Variants in KIF24 observed in about 807,000 individuals in gnomAD.
The protein encoded by KIF24 is kinesin family member 24, also known as kinesin-like protein KIF24.
KIF24 carries 81 observed loss-of-function variants against 118.9 expected under a neutral mutation model. The observed-to-expected ratio is 0.68, with a 90% CI of 0.57 to 0.82. The LOEUF (loss-of-function observed/expected upper bound fraction) is 0.82, where lower values mean the gene tolerates loss of function less well. KIF24 is among the 40% of genes least tolerant of loss of function. KIF24 has a pLI of 0.00. For synonymous variants in KIF24, 599 were observed against 610.0 expected (o/e 0.98, Z 0.27); for missense variants, 1,560 against 1,661.6 (o/e 0.94, Z 1.06).
chr9:34,292,771 C>T (rs191389264), intron 4 of KIF24, among the ~76,000 whole-genome samples: 35 of 152,220 alleles, frequency 2.3e-4, no homozygotes, highest in Non-Finnish European at 4.3e-4. Flanking sequence ...CTATAAATAC[C>T]GGCAGAGGCG....
intron 4 of KIF24, among the ~76,000 whole-genome samples, chr9:34,292,350 A>T (rs1024250568): frequency 6.6e-6 from 1 of 151,732 alleles, no homozygotes; most frequent in African/African-American, 2.4e-5. Context: ...TCCCCTGTAA[A>T]TTTTTTTTCC....
rs1563936594 is a variant in KIF24, at chr9:34,262,671, A to ATGT, written c.1515+429_1515+430insACA. Among the ~76,000 whole-genome samples the ATGT allele has an allele frequency of 4.3e-3, 145 of 33,976 alleles. 1 individual carries two copies. The highest frequency in any genetic ancestry group is 0.013 in the Middle Eastern group (1 of 76). The allele number at this position is 33,976 out of a possible 152,430, so 22.3% of individuals were successfully genotyped here. A position where few individuals can be genotyped will look rare whatever the true frequency, so the allele number is the denominator to read the frequency against. ...AAAAAAAAAAAAAAAAAAAAAAAAA[A>ATGT]AAAAATATATATATATATATATATA... On this transcript the variant is annotated intron_variant, in intron 9 of 12. Transcript: ENST00000402558.
chr9:34,279,266 T>C (rs1371200028), intron 6 of KIF24, among the ~76,000 whole-genome samples: 1 of 152,202 alleles, frequency 6.6e-6, no homozygotes, highest in Non-Finnish European at 1.5e-5. Context: ...TATCATTATC[T>C]ACATGTTTCA....
At position 34,318,350 on chromosome 9, in the gene KIF24, G is replaced by A; in HGVS notation, c.-25-6979C>T. On this transcript the variant is annotated intron_variant, in intron 1 of 12. Transcript: ENST00000402558. The surrounding 1 kb of genome is among the most constrained non-coding windows in gnomAD (Gnocchi z 4.9). ...GCCCAGCCCAACCCAGCCCAACCCA[G>A]CTTGACCTAGCCCTGACAGGTCCAT... 2 of 429,240 alleles carry A rather than the reference G, an allele frequency of 4.7e-6. No homozygotes were observed. The highest frequency in any genetic ancestry group is 4.5e-6 in the Non-Finnish European group (1 of 220,780). The allele number at this position is 429,240 out of a possible 1,614,324, so 26.6% of individuals were successfully genotyped here.
intron 6 of KIF24, among the ~76,000 whole-genome samples, chr9:34,273,278 G>A (rs959156618): frequency 2.0e-5 from 3 of 149,772 alleles, no homozygotes; most frequent in Non-Finnish European, 4.4e-5. Context: ...CTCCCACCTC[G>A]GCCTCCCAAA....
intron 5 of KIF24, among the ~76,000 whole-genome samples, chr9:34,288,913 C>T (rs993776969): frequency 6.7e-6 from 1 of 149,374 alleles, no homozygotes; most frequent in East Asian, 2.0e-4. Flanking sequence ...GCTTTTATTC[C>T]ATGGCAATTG....
chr9:34,306,620 G>C (rs1174550806), intron 2 of KIF24, among the ~76,000 whole-genome samples, 179 bp from the exon 3 acceptor site: 2 of 152,110 alleles, frequency 1.3e-5, no homozygotes, highest in East Asian at 3.9e-4. Flanking sequence ...GGCTAACACG[G>C]TGAAACCCCA....
At chr9:34,331,052 T>C (rs1837916665), upstream of KIF24, among the ~76,000 whole-genome samples, 1 of 152,322 alleles carries the variant, frequency 6.6e-6, no homozygotes, top group African/African-American at 2.4e-5. Context: ...GAGTACCCAA[T>C]TTTGCCCAAA....
chr9:34,333,563 G>T (rs1483962349), upstream of KIF24, among the ~76,000 whole-genome samples: 1 of 147,786 alleles, frequency 6.8e-6, no homozygotes, highest in East Asian at 2.1e-4. Context: ...AGCCCAGAAG[G>T]GATGCAGTGA....
At chr9:34,304,252 A>G (rs1208817832) in intron 3 of KIF24, among the ~76,000 whole-genome samples, 1 of 152,228 alleles carries the variant, frequency 6.6e-6, no homozygotes, top group African/African-American at 2.4e-5. Flanking sequence ...GAGGAAGAAA[A>G]AAGAAAAAGA....
rs1835412364 is a variant in KIF24, at chr9:34,269,321, T to A, written c.1379A>T (p.Asp460Val). 1.9e-6 allele frequency: 3 copies of A among 1,611,826 alleles called. No homozygotes were observed. Among genetic ancestry groups the A allele is most frequent in the Middle Eastern group, 3.3e-4 (2 of 6,060 alleles). The change falls in exon 8 of 13, where the codon GAT becomes GTT. Residue 460 changes from aspartate (D) to valine (V), a missense_variant. This residue lies in a region of KIF24 where 964 missense variants were observed against 988.0 expected (regional missense o/e 0.98). Coordinates refer to ENST00000402558, the MANE Select transcript of KIF24 (RefSeq NM_194313.4). Reference sequence around the variant, plus strand: ...TGTCTGTCTATCTGAGTCCCTTGCATCTGCTGCTCTTTCACTGCCAGCCAA... The same window carrying A: ...TGTCTGTCTATCTGAGTCCCTTGCAACTGCTGCTCTTTCACTGCCAGCCAA... ...IDLAGSERAA[D>V]ARDSDRQTKM...
At chr9:34,285,273 A>G (rs1045597262) in intron 6 of KIF24, among the ~76,000 whole-genome samples, 50 of 152,324 alleles carry the variant, frequency 3.3e-4, no homozygotes, top group African/African-American at 1.2e-3. Context: ...AGGAAATGGA[A>G]GTGGGTATTT....
At chr9:34,328,637 T>C (rs1243206950) in intron 1 of KIF24, among the ~76,000 whole-genome samples, 2 of 152,326 alleles carry the variant, frequency 1.3e-5, no homozygotes, top group East Asian at 3.9e-4. Flanking sequence ...ATCTATTTCT[T>C]GTAAATTAAA....
intron 7 of KIF24, among the ~76,000 whole-genome samples, chr9:34,270,009 G>A (rs1233190217): frequency 4.6e-5 from 7 of 151,794 alleles, no homozygotes; most frequent in African/African-American, 1.7e-4. Context: ...AGATCACGAG[G>A]TGAAGAGATC....
chr9:34,293,757 C>T (rs1216465612), intron 4 of KIF24, among the ~76,000 whole-genome samples: 2 of 152,058 alleles, frequency 1.3e-5, no homozygotes, highest in South Asian at 4.1e-4. Flanking sequence ...GCCTGGGCTG[C>T]GAGACTCCGT....
chr9:34,269,236 T>G, intron 8 of KIF24, 21 bp downstream of exon 8: 1 of 1,433,648 alleles, frequency 7.0e-7, no homozygotes, highest in Non-Finnish European at 9.8e-7. Context: ...ATTTTTAGAT[T>G]AAAGATTTTG....
upstream of KIF24, among the ~76,000 whole-genome samples, chr9:34,332,901 T>C (rs1363423875): frequency 1.3e-5 from 2 of 152,220 alleles, no homozygotes; most frequent in Non-Finnish European, 2.9e-5. Context: ...CATGGGTGGG[T>C]GCCTCATTTC....
In KIF24 at chr9:34,253,143, T is replaced by G. The variant is rs920225931; in HGVS notation, c.*1237A>C. The G allele has an allele frequency of 1.3e-5, 2 of 152,298 alleles. No individual in the cohort carries two copies. Among genetic ancestry groups the G allele is most frequent in the African/African-American group, 4.8e-5 (2 of 41,466 alleles). 9.4% of individuals were successfully genotyped at this position (152,298 alleles called of 1,614,324 possible). On this transcript the variant is annotated 3_prime_UTR_variant, in exon 13 of 13. Transcript: ENST00000402558. ...CACTGTCAGGCTGACAAAGGGTGACTGGACCAGGCTGCTAGTGTCTCAAGA... is the reference window on the plus strand; with the variant it reads ...CACTGTCAGGCTGACAAAGGGTGACGGGACCAGGCTGCTAGTGTCTCAAGA...
chr9:34,327,123 A>T lies in KIF24; in HGVS notation c.-26+1983T>A, dbSNP rs114060925. Reference sequence around the variant, plus strand: ...TTATTCAACACGATATGAACATCAAAACCCTTGAGACAGTAACTTGGGAGG... The same window carrying T: ...TTATTCAACACGATATGAACATCAATACCCTTGAGACAGTAACTTGGGAGG... On this transcript the variant is annotated intron_variant, in intron 1 of 12. Transcript: ENST00000402558. 1.1e-3 allele frequency among the ~76,000 whole-genome samples: 172 copies of T among 152,264 alleles called. 1 individual carries two copies. Among genetic ancestry groups the T allele is most frequent in the African/African-American group, 4.1e-3 (171 of 41,552 alleles).
Sources: gnomAD v4.1 joint callset for allele counts (sites outside exome capture counted in the v4.1 genomes callset) on GRCh38, gnomAD v4.1.1 for gene constraint, gnomAD v4.1.1 regional missense constraint, Gnocchi (gnomAD v3.1) non-coding constraint, MANE v1.5 for transcripts, NCBI Gene and HGNC (gene_info 2026-07-23, HGNC 2026-07-21) for gene names.